RIMS2: variants seen among roughly 807,000 people sequenced by gnomAD.
The protein encoded by RIMS2 is regulating synaptic membrane exocytosis protein 2.
Under a neutral mutation model 174.4 loss-of-function variants are expected in RIMS2, and 59 were observed. That is an observed-to-expected ratio of 0.34 (90% CI 0.27 to 0.42). The LOEUF (loss-of-function observed/expected upper bound fraction) is 0.42, where lower values mean the gene tolerates loss of function less well. Ranked by LOEUF, RIMS2 falls within the 10% of genes least tolerant of loss-of-function variation. RIMS2 has a pLI of 1.00. For synonymous variants in RIMS2, 606 were observed against 572.5 expected (o/e 1.06, Z -0.84); for missense variants, 1,620 against 1,666.3 (o/e 0.97, Z 0.48).
chr8:103,979,142 T>C (rs1450555737), intron 16 of RIMS2, among the ~76,000 whole-genome samples: 2 of 152,154 alleles, frequency 1.3e-5, no homozygotes, highest in East Asian at 3.8e-4. Context: ...ATTGAGATAT[T>C]AGGAAATATT....
At chr8:103,736,165 G>T (rs1458373410) in intron 2 of RIMS2, among the ~76,000 whole-genome samples, 1 of 152,098 alleles carries the variant, frequency 6.6e-6, no homozygotes, top group African/African-American at 2.4e-5. Context: ...GTATTTTAAT[G>T]TGCAGTCATA....
At chr8:103,588,409 C>T (rs1284725683) in intron 1 of RIMS2, among the ~76,000 whole-genome samples, 6 of 151,580 alleles carry the variant, frequency 4.0e-5, no homozygotes, top group Non-Finnish European at 7.4e-5. Context: ...AGAATATTAT[C>T]CTAAAATTTA....
intron 1 of RIMS2, among the ~76,000 whole-genome samples, chr8:103,675,072 G>T (rs563141737): frequency 2.0e-5 from 3 of 152,038 alleles, no homozygotes; most frequent in Non-Finnish European, 4.4e-5. Flanking sequence ...CACCATGGCC[G>T]GCTAATTTTT....
chr8:103,600,774 C>T (rs2094698347), intron 1 of RIMS2, among the ~76,000 whole-genome samples: 1 of 152,158 alleles, frequency 6.6e-6, no homozygotes, highest in Non-Finnish European at 1.5e-5. Flanking sequence ...AACCTGGAAA[C>T]TGTTCTCCAT....
At chr8:103,539,898 CT>C (rs1841727185) in intron 1 of RIMS2, among the ~76,000 whole-genome samples, 1 of 152,266 alleles carries the variant, frequency 6.6e-6, no homozygotes. Context: ...AATTTGCATA[CT>C]GGGCCTTGGA....
chr8:103,578,346 A>C (rs1054133921), intron 1 of RIMS2, among the ~76,000 whole-genome samples: 44 of 152,072 alleles, frequency 2.9e-4, no homozygotes, highest in African/African-American at 8.9e-4. Flanking sequence ...ACAGCCCAAC[A>C]TGGTGAAACC....
At chr8:103,770,012 T>G (rs978341951) in intron 3 of RIMS2, among the ~76,000 whole-genome samples, 9 of 152,230 alleles carry the variant, frequency 5.9e-5, no homozygotes, top group African/African-American at 2.2e-4. Flanking sequence ...GGAAACACTT[T>G]AAAGAGTATT....
At chr8:103,584,560 T>C (rs2093799719) in intron 1 of RIMS2, among the ~76,000 whole-genome samples, 1 of 152,142 alleles carries the variant, frequency 6.6e-6, no homozygotes, top group Admixed American at 6.5e-5. Context: ...AAATTATTTA[T>C]GAAAAAAGAA....
chr8:103,686,250 A>G (rs2096938973), intron 1 of RIMS2, among the ~76,000 whole-genome samples: 1 of 152,120 alleles, frequency 6.6e-6, no homozygotes, highest in Admixed American at 6.6e-5. Flanking sequence ...TTGAGATTTT[A>G]TACAAAGACA....
chr8:104,003,391 TAG>T (rs1197058924), intron 17 of RIMS2, among the ~76,000 whole-genome samples: 1 of 151,818 alleles, frequency 6.6e-6, no homozygotes, highest in South Asian at 2.1e-4. Flanking sequence ...TCTGGAATGA[TAG>T]AGAGTGTTCC....
intron 3 of RIMS2, among the ~76,000 whole-genome samples, chr8:103,787,632 G>A (rs984826633): frequency 3.3e-5 from 5 of 152,176 alleles, no homozygotes; most frequent in South Asian, 2.1e-4. Flanking sequence ...GGTTTCTGCC[G>A]AGAGATCTGC....
intron 3 of RIMS2, among the ~76,000 whole-genome samples, chr8:103,834,332 CTTTT>C (rs397892077): frequency 8.4e-6 from 1 of 119,286 alleles, no homozygotes; most frequent in Non-Finnish European, 1.7e-5. Flanking sequence ...TTTTCTTTTT[CTTTT>C]TTTTTTTTTT....
chr8:103,858,815 G>A (rs2099042831), intron 3 of RIMS2, among the ~76,000 whole-genome samples: 1 of 151,716 alleles, frequency 6.6e-6, no homozygotes, highest in African/African-American at 2.4e-5. Context: ...GATTATACTG[G>A]AGTAGAACTA....
chr8:103,634,434 TTTAA>T (rs1259019198), intron 1 of RIMS2, among the ~76,000 whole-genome samples: 1 of 152,340 alleles, frequency 6.6e-6, no homozygotes, highest in Non-Finnish European at 1.5e-5. Flanking sequence ...TTATTTTATG[TTTAA>T]TTATGTGGTT....
chr8:103,630,763 A>G (rs2095898406), intron 1 of RIMS2, among the ~76,000 whole-genome samples: 1 of 152,152 alleles, frequency 6.6e-6, no homozygotes, highest in South Asian at 2.1e-4. Context: ...ATATTAAAAT[A>G]TGCTGCAGTA....
intron 19 of RIMS2, chr8:104,094,632 G>A (rs1209503163): frequency 5.7e-6 from 4 of 701,854 alleles, no homozygotes; most frequent in Non-Finnish European, 1.0e-5. Flanking sequence ...AGAATCAGGA[G>A]ACGAGGAAAA....
rs1177288956 is a variant in RIMS2, at chr8:103,584,296, A to C, written c.176+83234A>C. 2.0e-5 allele frequency among the ~76,000 whole-genome samples: 3 copies of C among 152,222 alleles called. No homozygotes were observed. The East Asian group carries it at 5.8e-4, about 29-fold the overall frequency. On this transcript the variant is annotated intron_variant, in intron 1 of 23. Transcript: ENST00000504942. ...AAGACTCCCAGATGAACAAAAACTG[A>C]GAGATTTGATCAATACTAGACCTGT... is the stretch of plus-strand genomic sequence containing the variant.
intron 14 of RIMS2, among the ~76,000 whole-genome samples, chr8:103,952,911 G>A (rs2085884531): frequency 2.0e-5 from 3 of 152,154 alleles, no homozygotes; most frequent in African/African-American, 7.2e-5. Context: ...GTTTAGAGAA[G>A]AACATAAATG....
At chr8:104,181,967 T>C (rs566561410) in intron 19 of RIMS2, among the ~76,000 whole-genome samples, 2 of 151,870 alleles carry the variant, frequency 1.3e-5, no homozygotes, top group East Asian at 1.9e-4. Flanking sequence ...TAAAATATCC[T>C]TTCCTTGAAT....
Sources: allele counts gnomAD v4.1 joint callset (sites outside exome capture counted in the v4.1 genomes callset), GRCh38; gene constraint gnomAD v4.1.1; transcripts MANE v1.5; gene names NCBI Gene and HGNC (gene_info 2026-07-23, HGNC 2026-07-21).